The following CTNND2 variants were observed in gnomAD, a reference collection of about 807,000 sequenced individuals.
CTNND2 encodes catenin delta 2, also known as catenin delta-2.
In CTNND2, 22 loss-of-function variants were observed where a neutral mutation model predicts 144.4. The observed-to-expected ratio is 0.15, with a 90% CI of 0.11 to 0.22. The LOEUF is 0.22. Among genes scored for constraint, CTNND2 ranks in the 10% least tolerant of loss-of-function variants. The pLI, the probability that CTNND2 is intolerant of heterozygous loss-of-function variation, is 1.00. For synonymous variants in CTNND2, 751 were observed against 695.6 expected (o/e 1.08, Z -1.25); for missense variants, 1,353 against 1,618.8 (o/e 0.84, Z 2.82).
chr5:11,813,326 A>G (rs918397036), intron 1 of CTNND2, among the ~76,000 whole-genome samples: 1 of 152,212 alleles, frequency 6.6e-6, no homozygotes, highest in Non-Finnish European at 1.5e-5. Context: ...AACGTATCCC[A>G]GTCATTAAGC....
chr5:11,500,589 C>T (rs114735386), intron 3 of CTNND2, among the ~76,000 whole-genome samples: 2,502 of 152,226 alleles, frequency 0.016, 70 homozygotes, highest in African/African-American at 0.057. Context: ...GCAGCAGACC[C>T]AGAATACAAC....
chr5:10,987,067 T>C (rs964263923), intron 20 of CTNND2, among the ~76,000 whole-genome samples: 1 of 130,310 alleles, frequency 7.7e-6, no homozygotes, highest in Non-Finnish European at 1.7e-5. Context: ...AGGCTCTTCC[T>C]CATAGCCTAT....
intron 2 of CTNND2, among the ~76,000 whole-genome samples, chr5:11,626,966 C>G (rs1453027440): frequency 1.3e-5 from 2 of 152,022 alleles, no homozygotes; most frequent in Non-Finnish European, 2.9e-5. Flanking sequence ...AAGTGAGAGC[C>G]TTATTTCATC....
chr5:11,189,173 C>T (rs1735992845), intron 11 of CTNND2, among the ~76,000 whole-genome samples: 1 of 152,170 alleles, frequency 6.6e-6, no homozygotes, highest in Non-Finnish European at 1.5e-5. Context: ...CCTCTCAATG[C>T]TGCTCCTTCT....
intron 1 of CTNND2, among the ~76,000 whole-genome samples, chr5:11,884,935 A>G (rs1035263032): frequency 6.6e-6 from 1 of 151,854 alleles, no homozygotes; most frequent in Non-Finnish European, 1.5e-5. Context: ...TGTTTTGTCC[A>G]TTCCGTTGAT....
intron 7 of CTNND2, among the ~76,000 whole-genome samples, chr5:11,370,804 G>A (rs1757401639): frequency 6.6e-6 from 1 of 152,206 alleles, no homozygotes; most frequent in African/African-American, 2.4e-5. Context: ...AGAAAAAGAA[G>A]GGTCTAAATG....
chr5:11,204,553 A>G (rs2149835840), intron 10 of CTNND2, among the ~76,000 whole-genome samples: 1 of 152,274 alleles, frequency 6.6e-6, no homozygotes, highest in Non-Finnish European at 1.5e-5. Context: ...AATAGCACCT[A>G]TTGCAAAAAT....
At chr5:11,186,153 T>C (rs1471311564) in intron 11 of CTNND2, among the ~76,000 whole-genome samples, 2 of 152,228 alleles carry the variant, frequency 1.3e-5, no homozygotes, top group East Asian at 1.9e-4. Flanking sequence ...CCAGCCCTAA[T>C]GATCACGGAG....
intron 9 of CTNND2, among the ~76,000 whole-genome samples, chr5:11,251,553 T>G (rs1240350826): frequency 1.3e-5 from 2 of 152,194 alleles, no homozygotes; most frequent in African/African-American, 4.8e-5. Context: ...GTATTTATCT[T>G]GAAAATTTAA....
rs544439672 is a variant in CTNND2 at position 11,578,647 on chromosome 5, C to T, written c.175-13591G>A. On this transcript the variant is annotated intron_variant, in intron 2 of 21. Transcript: ENST00000304623. ...CTGCACTCCAGCCTGGGCGACAGAGCGAGACTCCATCACAAATACATGAAT... is the reference window on the plus strand; with the variant it reads ...CTGCACTCCAGCCTGGGCGACAGAGTGAGACTCCATCACAAATACATGAAT... Among the ~76,000 whole-genome samples the T allele has an allele frequency of 4.7e-5, 7 of 149,412 alleles. No homozygotes were observed. The East Asian group carries it at 5.9e-4, about 13-fold the overall frequency.
intron 12 of CTNND2, among the ~76,000 whole-genome samples, chr5:11,129,498 C>T (rs1451817470): frequency 6.7e-6 from 1 of 149,774 alleles, no homozygotes; most frequent in Admixed American, 6.9e-5. Context: ...GACGCACTTT[C>T]TGAGGCTGAA....
chr5:11,201,671 T>C (rs1737452944), intron 10 of CTNND2, among the ~76,000 whole-genome samples: 1 of 152,110 alleles, frequency 6.6e-6, no homozygotes. Flanking sequence ...CAAGGGAACA[T>C]GACAGGGAAG....
In CTNND2 at chr5:11,615,666, G is replaced by A. The variant is rs73055883; in HGVS notation, c.175-50610C>T. Among the ~76,000 whole-genome samples, 1,229 of 152,238 alleles carry A rather than the reference G, an allele frequency of 8.1e-3. 16 individuals are homozygous for A. Among genetic ancestry groups the A allele is most frequent in the African/African-American group, 0.028 (1,162 of 41,536 alleles). On this transcript the variant is annotated intron_variant, in intron 2 of 21. Coordinates refer to ENST00000304623, the MANE Select transcript of CTNND2 (RefSeq NM_001332.4). Reference sequence around the variant, plus strand: ...CATGAGTTGGAGGACAGGACAATACGTAGAAACTCTATATTCTGGCTGTTA... The same window carrying A: ...CATGAGTTGGAGGACAGGACAATACATAGAAACTCTATATTCTGGCTGTTA...
chr5:11,699,164 T>C (rs146330942), intron 2 of CTNND2, among the ~76,000 whole-genome samples: 1 of 152,266 alleles, frequency 6.6e-6, no homozygotes, highest in African/African-American at 2.4e-5. Context: ...AGAACAGGTT[T>C]GCCACACTCA....
intron 12 of CTNND2, among the ~76,000 whole-genome samples, chr5:11,129,005 A>T (rs10474911): frequency 2.4e-5 from 1 of 41,336 alleles, no homozygotes; most frequent in Non-Finnish European, 4.7e-5. Flanking sequence ...TAATATATAA[A>T]TATATATTAT....
intron 2 of CTNND2, among the ~76,000 whole-genome samples, chr5:11,657,062 G>A (rs1280244343): frequency 6.6e-6 from 1 of 152,068 alleles, no homozygotes; most frequent in Admixed American, 6.6e-5. Flanking sequence ...TCAACAGCTT[G>A]TAAGTCAAGC....
At chr5:11,197,813 CT>C (rs1206140995) in intron 11 of CTNND2, among the ~76,000 whole-genome samples, 2 of 152,178 alleles carry the variant, frequency 1.3e-5, no homozygotes, top group Non-Finnish European at 2.9e-5. Flanking sequence ...TCATCTCAAC[CT>C]TTGGCACGTG....
At chr5:11,784,448 C>T (rs1270725871) in intron 1 of CTNND2, among the ~76,000 whole-genome samples, 1 of 152,096 alleles carries the variant, frequency 6.6e-6, no homozygotes, top group Admixed American at 6.6e-5. Context: ...AAAATGACCC[C>T]CATGTAATCC....
chr5:11,808,904 C>A (rs10078846), intron 1 of CTNND2, among the ~76,000 whole-genome samples: 15,159 of 152,124 alleles, frequency 0.1, 1,789 homozygotes, highest in African/African-American at 0.28. Context: ...AAAACATCCA[C>A]GATACTAAGA....
Sources: allele counts gnomAD v4.1 joint callset (sites outside exome capture counted in the v4.1 genomes callset), GRCh38; gene constraint gnomAD v4.1.1; transcripts MANE v1.5; gene names NCBI Gene and HGNC (gene_info 2026-07-23, HGNC 2026-07-21).